The following PRDM16 variants were observed in gnomAD, a reference collection of about 807,000 sequenced individuals.
PRDM16 encodes PR/SET domain 16, also known as histone-lysine N-methyltransferase PRDM16.
Under a neutral mutation model 110.6 loss-of-function variants are expected in PRDM16, and 23 were observed. The ratio of observed to expected loss-of-function variants is 0.21; its 90% CI spans 0.15 to 0.29. The LOEUF (loss-of-function observed/expected upper bound fraction) is 0.29, where lower values mean the gene tolerates loss of function less well. Among genes scored for constraint, PRDM16 ranks in the 10% least tolerant of loss-of-function variants. PRDM16 has a pLI of 1.00. For missense variants in PRDM16, 1,615 were observed against 1,794.3 expected (o/e 0.90, Z 1.81); for synonymous variants, 799 against 781.8 (o/e 1.02, Z -0.37).
intron 3 of PRDM16, among the ~76,000 whole-genome samples, chr1:3,377,778 G>A (rs1348436723): frequency 6.6e-6 from 1 of 152,220 alleles, no homozygotes; most frequent in Non-Finnish European, 1.5e-5. Flanking sequence ...CGTGGGCTGG[G>A]CCGCTCCTTC....
intron 3 of PRDM16, among the ~76,000 whole-genome samples, chr1:3,366,924 C>T (rs188666543): frequency 2.1e-4 from 32 of 152,230 alleles, no homozygotes; most frequent in Admixed American, 3.3e-4. Context: ...GCTGCACGTG[C>T]GTGTTTTGTT....
intron 1 of PRDM16, among the ~76,000 whole-genome samples, chr1:3,072,883 C>T (rs1310047177): frequency 6.6e-6 from 1 of 152,262 alleles, no homozygotes; most frequent in African/African-American, 2.4e-5. Flanking sequence ...CCCACAGGCC[C>T]CCTCCCTCAG....
intron 3 of PRDM16, among the ~76,000 whole-genome samples, chr1:3,277,836 C>G (rs572644702): frequency 2.6e-5 from 4 of 152,216 alleles, no homozygotes; most frequent in Non-Finnish European, 5.9e-5. Flanking sequence ...CATGCACACA[C>G]GTGCACAGGC....
At chr1:3,393,563 A>G (rs925205367) in intron 4 of PRDM16, among the ~76,000 whole-genome samples, 1 of 152,220 alleles carries the variant, frequency 6.6e-6, no homozygotes, top group Non-Finnish European at 1.5e-5. Flanking sequence ...CTCTCGAGCC[A>G]GGAGCCGGCG....
chr1:3,316,247 T>C (rs1003097103), intron 3 of PRDM16, among the ~76,000 whole-genome samples: 4 of 118,510 alleles, frequency 3.4e-5, no homozygotes, highest in African/African-American at 1.3e-4. Flanking sequence ...CCGAGTCACT[T>C]ACCAGGTTTA....
chr1:3,267,006 T>C (rs2889399), intron 3 of PRDM16, among the ~76,000 whole-genome samples: 99 of 152,222 alleles, frequency 6.5e-4, no homozygotes, highest in Non-Finnish European at 1.2e-3. Flanking sequence ...TCTCCTTTTC[T>C]TTCTTTTCTT....
At chr1:3,421,142 C>T (rs1470922603) in intron 12 of PRDM16, among the ~76,000 whole-genome samples, 1 of 152,190 alleles carries the variant, frequency 6.6e-6, no homozygotes, top group Non-Finnish European at 1.5e-5. Flanking sequence ...TTCAAAATCT[C>T]TTCTTTCTTC....
intron 3 of PRDM16, among the ~76,000 whole-genome samples, chr1:3,315,247 G>A (rs1570052658): frequency 7.2e-6 from 1 of 139,542 alleles, no homozygotes; most frequent in South Asian, 2.5e-4. Flanking sequence ...CGTCTACAGC[G>A]CAACTCCACA....
chr1:3,313,962 G>A (rs1243649013), intron 3 of PRDM16, among the ~76,000 whole-genome samples: 1 of 151,456 alleles, frequency 6.6e-6, no homozygotes, highest in East Asian at 2.0e-4. Context: ...TGGTTGCAGA[G>A]TTTCATTCAT....
At chr1:3,280,014 G>A (rs1056801144) in intron 3 of PRDM16, among the ~76,000 whole-genome samples, 2 of 151,578 alleles carry the variant, frequency 1.3e-5, no homozygotes, top group African/African-American at 2.4e-5. Flanking sequence ...TTCCAATCAC[G>A]ATAATGCCAT....
At chr1:3,102,712 C>T (rs1642560946) in intron 1 of PRDM16, among the ~76,000 whole-genome samples, 1 of 152,230 alleles carries the variant, frequency 6.6e-6, no homozygotes, top group African/African-American at 2.4e-5. Flanking sequence ...ATTGCCTGAA[C>T]AAGGAGACCT....
At position 3,100,601 on chromosome 1, in the gene PRDM16, C is replaced by T. The variant is rs1161955100; in HGVS notation, c.37+31305C>T. Among the ~76,000 whole-genome samples, 6 of 152,310 alleles carry T rather than the reference C, an allele frequency of 3.9e-5. No homozygotes were observed. In the East Asian group the frequency reaches 1.2e-3, roughly 29 times the overall value. ...CTCCAGGCACGGCCCATGGTCCTCCCAAGCACCCCCAGTTCCCGAGGGGCA... is the reference window on the plus strand; with the variant it reads ...CTCCAGGCACGGCCCATGGTCCTCCTAAGCACCCCCAGTTCCCGAGGGGCA... On this transcript the variant is annotated intron_variant, in intron 1 of 16. Coordinates refer to ENST00000270722, the MANE Select transcript of PRDM16 (RefSeq NM_022114.4).
chr1:3,179,240 G>A (rs1644123784), intron 1 of PRDM16, among the ~76,000 whole-genome samples: 1 of 152,252 alleles, frequency 6.6e-6, no homozygotes, highest in Non-Finnish European at 1.5e-5. Flanking sequence ...CCTGGACTAG[G>A]GTGAGGCAGA....
intron 2 of PRDM16, among the ~76,000 whole-genome samples, chr1:3,212,469 G>C (rs1449792194): frequency 1.3e-5 from 2 of 152,162 alleles, no homozygotes; most frequent in African/African-American, 4.8e-5. Flanking sequence ...AGGGACAGCA[G>C]AGGTGGCCAA....
At chr1:3,301,461 T>A (rs764583093) in intron 3 of PRDM16, among the ~76,000 whole-genome samples, 11 of 151,740 alleles carry the variant, frequency 7.2e-5, no homozygotes, top group Admixed American at 5.2e-4. Flanking sequence ...GAAAAGGGGA[T>A]GTTAGATTTG....
intron 1 of PRDM16, among the ~76,000 whole-genome samples, chr1:3,083,252 C>T (rs758998108): frequency 1.3e-5 from 2 of 152,156 alleles, no homozygotes; most frequent in Admixed American, 1.3e-4. Context: ...CTCCTGGCTG[C>T]GCCCCACCAA....
intron 1 of PRDM16, among the ~76,000 whole-genome samples, chr1:3,181,487 C>T (rs373108800): frequency 0.073 from 1,364 of 18,588 alleles, 579 homozygotes; most frequent in Non-Finnish European, 0.25. Context: ...GTCTTACACA[C>T]AGCCTTACGC....
chr1:3,285,011 G>A (rs1013772185), intron 3 of PRDM16, among the ~76,000 whole-genome samples: 1 of 152,212 alleles, frequency 6.6e-6, no homozygotes, highest in African/African-American at 2.4e-5. Flanking sequence ...TCTCTGGCCG[G>A]TATAGCCCTT....
At chr1:3,152,822 G>A (rs974060314) in intron 1 of PRDM16, among the ~76,000 whole-genome samples, 6 of 152,346 alleles carry the variant, frequency 3.9e-5, no homozygotes, top group South Asian at 2.1e-4. Flanking sequence ...GGAGGTCCCC[G>A]TCCTCAGGCA....
Sources: gnomAD v4.1 joint callset for allele counts (sites outside exome capture counted in the v4.1 genomes callset) on GRCh38, gnomAD v4.1.1 for gene constraint, MANE v1.5 for transcripts, NCBI Gene and HGNC (gene_info 2026-07-23, HGNC 2026-07-21) for gene names.